The following RNF180 variants were observed in gnomAD, a reference collection of about 807,000 sequenced individuals.
The protein encoded by RNF180 is ring finger protein 180, also known as E3 ubiquitin-protein ligase RNF180.
RNF180 carries 38 observed loss-of-function variants against 59.2 expected under a neutral mutation model. The observed-to-expected ratio is 0.64, with a 90% CI of 0.50 to 0.84. RNF180 has a LOEUF of 0.84. RNF180 is among the 40% of genes least tolerant of loss of function. The pLI is 0.00. For missense variants in RNF180, 705 were observed against 700.9 expected, an observed-to-expected ratio of 1.01 and a Z score of -0.07; for synonymous variants, 262 against 240.3, an observed-to-expected ratio of 1.09 and a Z score of -0.84.
At chr5:64,211,311 G>A (rs780949210) in intron 2 of RNF180, among the ~76,000 whole-genome samples, 4 of 152,156 alleles carry the variant, frequency 2.6e-5, no homozygotes, top group African/African-American at 4.8e-5. Flanking sequence ...AAACAGCCAT[G>A]AGGAAGCAGG....
intron 5 of RNF180, among the ~76,000 whole-genome samples, chr5:64,293,782 C>G (rs1013797695): frequency 2.8e-4 from 43 of 152,150 alleles, no homozygotes; most frequent in African/African-American, 1.0e-3. Flanking sequence ...AGCACTGTTT[C>G]TTTTGCCAGA....
chr5:64,201,457 C>CA lies in RNF180; in HGVS notation c.135+520dup, dbSNP rs1178149536. ...TTAAAAAATGAGTGTTTTTAAACAACAAAAATAAAAATTTCTTCTCTAAGA... is the reference window on the plus strand; with the variant it reads ...TTAAAAAATGAGTGTTTTTAAACAACAAAAAATAAAAATTTCTTCTCTAAGA... On this transcript the variant is annotated intron_variant, in intron 2 of 7. Transcript: ENST00000389100. Among the ~76,000 whole-genome samples the CA allele has an allele frequency of 2.0e-5, 3 of 152,046 alleles. No individual in the cohort carries two copies. In the East Asian group the frequency reaches 5.8e-4, roughly 29 times the overall value.
At chr5:64,283,002 A>G (rs148068188) in intron 5 of RNF180, among the ~76,000 whole-genome samples, 1 of 152,172 alleles carries the variant, frequency 6.6e-6, no homozygotes, top group Admixed American at 6.5e-5. Context: ...AGTTCTGTAG[A>G]TGCCTGTTAG....
At chr5:64,361,081 G>T (rs1278692822) in intron 7 of RNF180, among the ~76,000 whole-genome samples, 1 of 151,344 alleles carries the variant, frequency 6.6e-6, no homozygotes, top group Non-Finnish European at 1.5e-5. Flanking sequence ...TGCAAGATGT[G>T]CAGGCACACA....
intron 7 of RNF180, among the ~76,000 whole-genome samples, chr5:64,346,070 T>C (rs1745540777): frequency 6.6e-6 from 1 of 152,074 alleles, no homozygotes; most frequent in Admixed American, 6.6e-5. Flanking sequence ...ATGATACTAA[T>C]AAAGAGGTAA....
At chr5:64,301,321 T>G in intron 5 of RNF180, among the ~76,000 whole-genome samples, 1 of 151,784 alleles carries the variant, frequency 6.6e-6, no homozygotes, top group East Asian at 1.9e-4. Context: ...GAACCTTATC[T>G]CAAAGGATTT....
At chr5:64,331,748 C>G (rs888102574) in intron 7 of RNF180, among the ~76,000 whole-genome samples, 4 of 152,160 alleles carry the variant, frequency 2.6e-5, no homozygotes, top group African/African-American at 9.7e-5. Context: ...CTGAAACACA[C>G]CCCCGCCCCA....
chr5:64,209,546 C>T (rs1752198853), intron 2 of RNF180, among the ~76,000 whole-genome samples: 2 of 151,996 alleles, frequency 1.3e-5, no homozygotes, highest in Non-Finnish European at 2.9e-5. Flanking sequence ...GTTTAGTAAT[C>T]ACTAAATAAA....
At chr5:64,324,664 T>C (rs961152626) in intron 5 of RNF180, among the ~76,000 whole-genome samples, 8 of 152,340 alleles carry the variant, frequency 5.3e-5, no homozygotes, top group African/African-American at 1.9e-4. Flanking sequence ...TTTGCTTTCC[T>C]CCTGACACCC....
At chr5:64,353,420 CTAAT>C (rs1397881433) in intron 7 of RNF180, among the ~76,000 whole-genome samples, 6 of 151,764 alleles carry the variant, frequency 4.0e-5, no homozygotes, top group Admixed American at 6.6e-5. Context: ...ACTAATATCA[CTAAT>C]TGATTGCATA....
rs79919114 is a variant in RNF180 at position 64,324,563 on chromosome 5, T to G, written c.1228-623T>G. Among the ~76,000 whole-genome samples the G allele has an allele frequency of 2.0e-3, 300 of 152,338 alleles. 1 individual carries two copies. The highest frequency in any genetic ancestry group is 6.9e-3 in the African/African-American group (285 of 41,580). On this transcript the variant is annotated intron_variant, in intron 5 of 7. Coordinates refer to ENST00000389100, the MANE Select transcript of RNF180 (RefSeq NM_001113561.2). ...CATTATTCAAGAACCTGCTGTATCT[T>G]TTTCCTAACAATTCCATTTGGGAGG...
Position 64,305,681 on chromosome 5 carries a change from T to C in RNF180, c.1228-19505T>C, listed in dbSNP as rs552242594. On this transcript the variant is annotated intron_variant, in intron 5 of 7. Transcript: ENST00000389100. Reference sequence around the variant, plus strand: ...TTCCTGATACCAGTTTTTGTATTAGTCACTACATTAATTACTACATGTTAA... The same window carrying C: ...TTCCTGATACCAGTTTTTGTATTAGCCACTACATTAATTACTACATGTTAA... Among the ~76,000 whole-genome samples, 73 of 151,760 alleles carry C rather than the reference T, an allele frequency of 4.8e-4. 1 individual carries two copies. The highest frequency in any genetic ancestry group is 1.5e-4 in the Non-Finnish European group (10 of 67,746).
chr5:64,215,373 C>A (rs1045399311), intron 4 of RNF180, among the ~76,000 whole-genome samples: 109 of 151,982 alleles, frequency 7.2e-4, no homozygotes, highest in African/African-American at 2.6e-3. Flanking sequence ...TTAGTTTTTT[C>A]TTTTAAAAAT....
intron 7 of RNF180, among the ~76,000 whole-genome samples, chr5:64,336,384 GTCTA>G (rs1259064900): frequency 4.0e-5 from 6 of 149,482 alleles, no homozygotes; most frequent in Non-Finnish European, 9.0e-5. Context: ...ACCATATTTT[GTCTA>G]TCTATTCACT....
At chr5:64,280,050 G>T (rs2112385341) in intron 5 of RNF180, among the ~76,000 whole-genome samples, 1 of 152,252 alleles carries the variant, frequency 6.6e-6, no homozygotes, top group Admixed American at 6.5e-5. Flanking sequence ...TGTCAGTGTG[G>T]TTTTTGATTT....
intron 7 of RNF180, among the ~76,000 whole-genome samples, chr5:64,344,368 A>C (rs150547358): frequency 0.014 from 2,061 of 151,888 alleles, 23 homozygotes; most frequent in Middle Eastern, 0.037. Flanking sequence ...ATGGCAATAA[A>C]AGAGGCAATT....
intron 5 of RNF180, among the ~76,000 whole-genome samples, chr5:64,286,940 T>G (rs1742320493): frequency 6.6e-6 from 1 of 152,116 alleles, no homozygotes; most frequent in South Asian, 2.1e-4. Context: ...ATAGAAGACG[T>G]CAAATGCTAA....
intron 7 of RNF180, among the ~76,000 whole-genome samples, chr5:64,354,129 G>A (rs1745925234): frequency 6.6e-6 from 1 of 150,668 alleles, no homozygotes; most frequent in Non-Finnish European, 1.5e-5. Flanking sequence ...ATTAGAATAG[G>A]GATTAATGAA....
At chr5:64,216,922 C>G (rs918379566) in intron 4 of RNF180, among the ~76,000 whole-genome samples, 1 of 152,028 alleles carries the variant, frequency 6.6e-6, no homozygotes, top group Non-Finnish European at 1.5e-5. Context: ...TATATAATGA[C>G]CAACACAATG....
Sources: gnomAD v4.1 joint callset for allele counts (sites outside exome capture counted in the v4.1 genomes callset) on GRCh38, gnomAD v4.1.1 for gene constraint, MANE v1.5 for transcripts, NCBI Gene and HGNC (gene_info 2026-07-23, HGNC 2026-07-21) for gene names.